Variants in FRMD6 observed in about 807,000 individuals in gnomAD.
FRMD6 encodes the protein FERM domain containing 6, also known as FERM domain-containing protein 6.
In FRMD6, 37 loss-of-function variants were observed where a neutral mutation model predicts 73.2. That is an observed-to-expected ratio of 0.51 (90% CI 0.39 to 0.66). FRMD6 has a LOEUF of 0.66. Ranked by LOEUF, FRMD6 falls within the 30% of genes least tolerant of loss-of-function variation. The probability of loss-of-function intolerance (pLI) is 0.00; values close to 1 mark genes in which losing one functional copy is unlikely to be tolerated. For missense variants in FRMD6, 714 were observed against 780.5 expected (o/e 0.91, Z 1.02); for synonymous variants, 273 against 282.2 (o/e 0.97, Z 0.33).
At chr14:51,505,449 A>G (rs888113786) in intron 1 of FRMD6, among the ~76,000 whole-genome samples, 1 of 152,188 alleles carries the variant, frequency 6.6e-6, no homozygotes, top group African/African-American at 2.4e-5. Flanking sequence ...AAAGGGGCTC[A>G]CATGTCAGGG....
chr14:51,437,469 A>C, the FRMD6 span, among the ~76,000 whole-genome samples: 4 of 152,148 alleles, frequency 2.6e-5, no homozygotes, highest in African/African-American at 9.6e-5. Context: ...CACCCGGCTA[A>C]TTTTTTGTAT....
At chr14:51,606,280 TACAC>T (rs1486812638) in intron 2 of FRMD6, among the ~76,000 whole-genome samples, 1 of 151,770 alleles carries the variant, frequency 6.6e-6, no homozygotes, top group Admixed American at 6.6e-5. Flanking sequence ...CATTCAGAAA[TACAC>T]AGGCACAGCC....
At chr14:51,485,437 G>A (rs753909638), upstream of FRMD6, among the ~76,000 whole-genome samples, 2 of 152,244 alleles carry the variant, frequency 1.3e-5, no homozygotes, top group East Asian at 3.9e-4. Context: ...GGTTCCAAGT[G>A]GACATGACCT....
chr14:51,634,603 TA>T, intron 2 of FRMD6, among the ~76,000 whole-genome samples: 1 of 151,054 alleles, frequency 6.6e-6, no homozygotes, highest in Non-Finnish European at 1.5e-5. Context: ...CCAATGTCTA[TA>T]AAAAAGGAAA....
At chr14:51,673,344 A>C (rs1168441119) in intron 1 of FRMD6, among the ~76,000 whole-genome samples, 2 of 151,896 alleles carry the variant, frequency 1.3e-5, no homozygotes, top group African/African-American at 2.4e-5. Flanking sequence ...TTGTACCTCT[A>C]TCTGGGTTCC....
In FRMD6 at chr14:51,702,492, G is replaced by T; in HGVS notation, c.295-20G>T. The T allele has an allele frequency of 6.2e-7, 1 of 1,603,146 alleles. No homozygotes were observed. Among genetic ancestry groups the T allele is most frequent in the Non-Finnish European group, 8.5e-7 (1 of 1,172,218 alleles). On this transcript the variant is annotated intron_variant, in intron 4 of 13. Transcript: ENST00000344768. The stretch of plus-strand genomic sequence containing the variant: ...AGTAACTAGAAATAGCTTGATTTTT[G>T]TGTGTGCTTTTGTTTCTAGGGTATC...
At chr14:51,549,566 C>T (rs185317287) in intron 1 of FRMD6, among the ~76,000 whole-genome samples, 2 of 149,704 alleles carry the variant, frequency 1.3e-5, no homozygotes, top group African/African-American at 4.9e-5. Context: ...CCTATTTCCA[C>T]AGCTGGAGTA....
intron 2 of FRMD6, among the ~76,000 whole-genome samples, chr14:51,585,311 G>A (rs1292117053): frequency 6.6e-6 from 1 of 152,070 alleles, no homozygotes; most frequent in Non-Finnish European, 1.5e-5. Context: ...ATACACATAC[G>A]ACTTAAATTT....
chr14:51,652,821 T>C (rs117758383), intron 1 of FRMD6, among the ~76,000 whole-genome samples: 4,959 of 152,280 alleles, frequency 0.033, 108 homozygotes, highest in Middle Eastern at 0.061. Context: ...CCCGTGTAAG[T>C]GTAAAGTCTA....
chr14:51,463,578 A>G, the FRMD6 span, among the ~76,000 whole-genome samples: 10 of 152,352 alleles, frequency 6.6e-5, no homozygotes, highest in East Asian at 1.9e-3. Context: ...GAAGCTCTAG[A>G]GAGCACAGAA....
the FRMD6 span, among the ~76,000 whole-genome samples, chr14:51,466,724 T>C: frequency 2.0e-5 from 3 of 152,252 alleles, no homozygotes; most frequent in Admixed American, 2.0e-4. Flanking sequence ...TTCTAGATTC[T>C]TTGCAATTTC....
intron 1 of FRMD6, among the ~76,000 whole-genome samples, chr14:51,667,892 G>T (rs1373618315): frequency 6.6e-6 from 1 of 152,156 alleles, no homozygotes; most frequent in Admixed American, 6.6e-5. Context: ...GATGTTGAGA[G>T]CTAATGGTTT....
Position 51,720,102 on chromosome 14 carries a change from G to A in FRMD6, c.1072G>A (p.Asp358Asn), listed in dbSNP as rs562518158. ...ESYISDNLDL[D>N]MDQLEKRSRA... ...TTACATCAGTGACAACCTGGACCTCGACATGGACCAGCTGGAAAAACGGTC... is the reference window on the plus strand; with the variant it reads ...TTACATCAGTGACAACCTGGACCTCAACATGGACCAGCTGGAAAAACGGTC... Residue 358 changes from aspartate (D) to asparagine (N), a missense_variant, in exon 11 of 14, where the codon GAC becomes AAC. Transcript: ENST00000344768. 62 of 1,613,674 alleles carry A rather than the reference G, an allele frequency of 3.8e-5. No homozygotes were observed. In the Admixed American group the frequency reaches 6.5e-4, roughly 17 times the overall value.
At chr14:51,722,356 T>G (rs2140658026) in intron 12 of FRMD6, among the ~76,000 whole-genome samples, 1 of 152,330 alleles carries the variant, frequency 6.6e-6, no homozygotes, top group Non-Finnish European at 1.5e-5. Flanking sequence ...TATGTTATGC[T>G]GTGTCGAGAA....
At chr14:51,405,604 T>C in the FRMD6 span, among the ~76,000 whole-genome samples, 2 of 152,180 alleles carry the variant, frequency 1.3e-5, no homozygotes, top group Admixed American at 6.5e-5. Flanking sequence ...GTTTACCGCA[T>C]GTATGTCTTC....
At chr14:51,714,168 A>G (rs1217719323) in intron 9 of FRMD6, 1 of 152,184 alleles carries the variant, frequency 6.6e-6, no homozygotes, top group African/African-American at 2.4e-5. Context: ...GTTTCATTCT[A>G]AAATGTAGAT....
At chr14:51,472,091 A>C in the FRMD6 span, among the ~76,000 whole-genome samples, 1 of 152,096 alleles carries the variant, frequency 6.6e-6, no homozygotes, top group African/African-American at 2.4e-5. Context: ...TTAGAAATAA[A>C]TTTCTTTTCT....
intron 1 of FRMD6, among the ~76,000 whole-genome samples, chr14:51,530,717 G>A (rs2140329947): frequency 6.6e-6 from 1 of 151,906 alleles, no homozygotes; most frequent in African/African-American, 2.4e-5. Context: ...GAACTCCTGA[G>A]CTCAAGTGGT....
At chr14:51,636,653 T>G (rs745557801) in intron 2 of FRMD6, among the ~76,000 whole-genome samples, 1 of 152,104 alleles carries the variant, frequency 6.6e-6, no homozygotes, top group African/African-American at 2.4e-5. Flanking sequence ...AAGGTTAAAT[T>G]TGATGATAAA....
Sources: allele counts gnomAD v4.1 joint callset (sites outside exome capture counted in the v4.1 genomes callset), GRCh38; gene constraint gnomAD v4.1.1; transcripts MANE v1.5; gene names NCBI Gene and HGNC (gene_info 2026-07-23, HGNC 2026-07-21).